EPHB6: variants seen among roughly 807,000 people sequenced by gnomAD.
EPHB6 encodes the protein ephrin type-B receptor 6.
EPHB6 carries 51 observed loss-of-function variants against 107.0 expected under a neutral mutation model. That is an observed-to-expected ratio of 0.48 (90% confidence interval 0.38 to 0.60). The LOEUF (loss-of-function observed/expected upper bound fraction) is 0.60. EPHB6 is among the 20% of genes least tolerant of loss of function. The pLI is 0.00. For missense variants in EPHB6, 1,141 were observed against 1,355.5 expected (o/e 0.84, Z 2.48); for synonymous variants, 553 against 549.0 (o/e 1.01, Z -0.10).
rs1803138462 is a variant in EPHB6 at position 142,865,953 on chromosome 7, C to G, written c.1106-7C>G. ...CCCTTGGACTGCCATATCCTCCGGCCCCCCAGGTCCTCCATCGGCTCCCCA... is the reference window on the plus strand; with the variant it reads ...CCCTTGGACTGCCATATCCTCCGGCGCCCCAGGTCCTCCATCGGCTCCCCA... On this transcript the variant is annotated splice_region_variant and splice_polypyrimidine_tract_variant and intron_variant, in intron 8 of 19. Transcript: ENST00000652003. 1 of 1,613,460 alleles carries G rather than the reference C, an allele frequency of 6.2e-7. No individual in the cohort carries two copies. The highest frequency in any genetic ancestry group is 1.3e-5 in the African/African-American group (1 of 74,918).
At chr7:142,856,817 C>T (rs551554130) in intron 1 of EPHB6, among the ~76,000 whole-genome samples, 7 of 152,290 alleles carry the variant, frequency 4.6e-5, no homozygotes, top group African/African-American at 1.7e-4. Flanking sequence ...ACTCCGGAAC[C>T]AGCACTGATG....
chr7:142,865,677 G>T lies in EPHB6; in HGVS notation c.1105+47G>T, dbSNP rs768358720. On this transcript the variant is annotated intron_variant, in intron 8 of 19. Coordinates refer to ENST00000652003, the MANE Select transcript of EPHB6 (RefSeq NM_004445.6). ...GCAATGGGAAAGAGACTTGGAGAGG[G>T]GCCAGAAGTGGGGGTAGCAGGCAAC... The T allele has an allele frequency of 2.5e-6, 4 of 1,603,544 alleles. No homozygotes were observed. The South Asian group carries it at 4.4e-5, about 18-fold the overall frequency.
chr7:142,869,001 C>T lies in EPHB6; in HGVS notation c.2314C>T (p.Gln772Ter), dbSNP rs2116476620. Residue 772 changes from glutamine to a stop codon, truncating the protein, a stop_gained, in exon 16 of 20, where the codon CAG (glutamine) becomes TAG (stop). Coordinates refer to ENST00000652003, the MANE Select transcript of EPHB6 (RefSeq NM_004445.6). LOFTEE classifies it high-confidence loss of function. The surrounding 1 kb of genome is among the most constrained non-coding windows in gnomAD (Gnocchi z 4.5). ...GCGGGAGGGCCAGTTCAGCAGCCTGCAGCTGGTGGCCATGCAGCGGGGAGT... is the reference window on the plus strand; with the variant it reads ...GCGGGAGGGCCAGTTCAGCAGCCTGTAGCTGGTGGCCATGCAGCGGGGAGT... ...RQREGQFSSL[Q>*]LVAMQRGVAA... The T allele has an allele frequency of 6.2e-7, 1 of 1,611,170 alleles. No homozygotes were observed. The highest frequency in any genetic ancestry group is 8.5e-7 in the Non-Finnish European group (1 of 1,179,932).
rs1302930007 is a variant in EPHB6, at chr7:142,868,077, GGC to G, written c.1918+29_1918+30del. 2 of 1,611,704 alleles carry G rather than the reference GGC, an allele frequency of 1.2e-6. No individual in the cohort carries two copies. Among genetic ancestry groups the G allele is most frequent in the Admixed American group, 3.4e-5 (2 of 59,634 alleles). On this transcript the variant is annotated intron_variant, in intron 13 of 19. Transcript: ENST00000652003. This position sits in a 1 kb window ranked among gnomAD's most constrained non-coding sequence, Gnocchi z 4.2. ...GGGGATGAGGAGAGGAAATGGGTGGGGCTGGGGAACACATGGGTGGGGCACAT... is the reference window on the plus strand; with the variant it reads ...GGGGATGAGGAGAGGAAATGGGTGGGTGGGGAACACATGGGTGGGGCACAT...
In EPHB6 at chr7:142,869,650, C is replaced by T; in HGVS notation, c.2461-167C>T. The T allele has an allele frequency of 7.6e-6, 6 of 792,240 alleles. No homozygotes were observed. The South Asian group carries it at 9.5e-5, about 13-fold the overall frequency. The allele number at this position is 792,240 out of a possible 1,614,324, so 49.1% of individuals were successfully genotyped here. On this transcript the variant is annotated intron_variant, in intron 16 of 19. Transcript: ENST00000652003. The surrounding 1 kb of genome is among the most constrained non-coding windows in gnomAD (Gnocchi z 4.5). ...TGCTCCATAAACGTGACTATTGCTT[C>T]TGCTTCTGTGAAATGGAGATGATAT... is the stretch of plus-strand genomic sequence containing the variant.
Position 142,870,752 on chromosome 7 carries a change from C to G in EPHB6, c.2961-44C>G, listed in dbSNP as rs778102855. The G allele has an allele frequency of 1.7e-5, 28 of 1,614,140 alleles. No homozygotes were observed. The South Asian group carries it at 3.1e-4, about 18-fold the overall frequency. On this transcript the variant is annotated intron_variant, in intron 19 of 19. Transcript: ENST00000652003. ...CCTGGCTGGGGGTCGTATTGGGGAT[C>G]TCGGAGAAGCTGGCCCAGATTTGAT... is the stretch of plus-strand genomic sequence containing the variant.
chr7:142,871,051 C>G lies in EPHB6; in HGVS notation c.*147C>G. The G allele has an allele frequency of 1.3e-6, 1 of 767,502 alleles. No homozygotes were observed. Among genetic ancestry groups the G allele is most frequent in the Non-Finnish European group, 2.2e-6 (1 of 450,070 alleles). 47.5% of individuals were successfully genotyped at this position (767,502 alleles called of 1,614,324 possible). A position where few individuals can be genotyped will look rare whatever the true frequency, so the allele number is the denominator to read the frequency against. On this transcript the variant is annotated 3_prime_UTR_variant, in exon 20 of 20. Transcript: ENST00000652003. ...CTGCATTCCCTGGTCCTCCGCCTCT[C>G]CACCAGCCCCCTCCTCATTAAAGGG...
In EPHB6 at chr7:142,869,878, C is replaced by T; in HGVS notation, c.2522C>T (p.Thr841Ile). The T allele has an allele frequency of 6.2e-7, 1 of 1,614,204 alleles. No homozygotes were observed. Among genetic ancestry groups the T allele is most frequent in the Non-Finnish European group, 8.5e-7 (1 of 1,180,040 alleles). The change falls in exon 17 of 20, where the codon ACA (threonine) becomes ATA (isoleucine). Residue 841 changes from threonine (T) to isoleucine (I), a missense_variant. Coordinates refer to ENST00000652003, the MANE Select transcript of EPHB6 (RefSeq NM_004445.6). This position sits in a 1 kb window ranked among gnomAD's most constrained non-coding sequence, Gnocchi z 4.5. ...PEVIAHGKHT[T>I]SSDVWSFGIL... ...GTCATTGCACATGGAAAGCATACAACATCCAGTGATGTCTGGAGCTTTGGG... is the reference window on the plus strand; with the variant it reads ...GTCATTGCACATGGAAAGCATACAATATCCAGTGATGTCTGGAGCTTTGGG...
rs1794811259 is a variant in EPHB6, at chr7:142,869,824, G to A, written c.2468G>A (p.Ser823Asn). Residue 823 changes from serine (S) to asparagine (N), a missense_variant, in exon 17 of 20, where the codon AGT (serine) becomes AAT (asparagine). This residue lies in a region of EPHB6 where 616 missense variants were observed against 759.3 expected (regional missense o/e 0.81). Transcript: ENST00000652003. This position sits in a 1 kb window ranked among gnomAD's most constrained non-coding sequence, Gnocchi z 4.5. ...TTTGACTTTACCCCTCAGGGCCCAA[G>A]TTGTTTGCTTCGCTGGGCAGCCCCA... Reference protein sequence around the residue: ...ARLGHSPQGPSCLLRWAAPEV... With the variant: ...ARLGHSPQGPNCLLRWAAPEV... 2 of 1,614,098 alleles carry A rather than the reference G, an allele frequency of 1.2e-6. No individual in the cohort carries two copies. The highest frequency in any genetic ancestry group is 1.7e-6 in the Non-Finnish European group (2 of 1,180,044).
intron 8 of EPHB6, 75 bp downstream of exon 8, chr7:142,865,705 T>C (rs1218683449): frequency 1.3e-6 from 2 of 1,568,008 alleles, no homozygotes; most frequent in Non-Finnish European, 1.7e-6. Context: ...CAGGCAACAC[T>C]GGGGGCTCTT....
chr7:142,864,541 G>A lies in EPHB6; in HGVS notation c.741G>A (p.Gln247=). The change falls in exon 7 of 20, where the codon CAG becomes CAA. Residue 247 remains glutamine (Q), a synonymous_variant. Transcript: ENST00000652003. ...LRSFASFPET[Q]ASGAGGASLV... ...CCTTTGCTTCCTTTCCAGAGACGCA[G>A]GCCAGTGGGGCTGGGGGGGCCTCCC... 1 of 1,613,398 alleles carries A rather than the reference G, an allele frequency of 6.2e-7. No homozygotes were observed. The highest frequency in any genetic ancestry group is 8.5e-7 in the Non-Finnish European group (1 of 1,179,948).
rs373983946 is a variant in EPHB6, at chr7:142,863,583, T to A, written c.101-48T>A. On this transcript the variant is annotated intron_variant, in intron 5 of 19. Transcript: ENST00000652003. The stretch of plus-strand genomic sequence containing the variant: ...GTGGGAATAGAGTAGGGGCTGGCAG[T>A]GCTGGCTGGAGGCTTGGCCACTGTG... 2.6e-5 allele frequency: 42 copies of A among 1,600,070 alleles called. 1 individual carries two copies. The highest frequency in any genetic ancestry group is 1.2e-4 in the Admixed American group (7 of 60,010).
In EPHB6 at chr7:142,869,345, A is replaced by G. The variant is rs1400545600; in HGVS notation, c.2460+198A>G. On this transcript the variant is annotated intron_variant, in intron 16 of 19. Transcript: ENST00000652003. This position sits in a 1 kb window ranked among gnomAD's most constrained non-coding sequence, Gnocchi z 4.5. ...TTTGAGGGATTTCAGGGACCGAGAC[A>G]AAGGGGATGAGGGAGGGGAGGAGAC... Among the ~76,000 whole-genome samples the G allele has an allele frequency of 6.6e-6, 1 of 152,138 alleles. No homozygotes were observed. The highest frequency in any genetic ancestry group is 1.5e-5 in the Non-Finnish European group (1 of 68,018).
At chr7:142,870,024 A>G in intron 17 of EPHB6, 58 bp downstream of exon 17, 1 of 1,612,508 alleles carries the variant, frequency 6.2e-7, no homozygotes, top group Non-Finnish European at 8.5e-7. Context: ...AGGTTGGAAC[A>G]TTCTAGGACC....
intron 4 of EPHB6, 64 bp from the exon 5 acceptor site, chr7:142,863,063 T>C: frequency 1.1e-5 from 7 of 626,954 alleles, no homozygotes; most frequent in Non-Finnish European, 2.0e-5. Context: ...TTTTGGAGCT[T>C]GGGCTGTATA....
chr7:142,862,188 A>C (rs1330604053), intron 3 of EPHB6, 55 bp downstream of exon 3: 2 of 152,126 alleles, frequency 1.3e-5, no homozygotes, highest in African/African-American at 4.8e-5. Flanking sequence ...ATGATTAGTG[A>C]GGGCTCCACC....
At position 142,860,771 on chromosome 7, in the gene EPHB6, G is replaced by A. The variant is rs1013423637; in HGVS notation, c.-431-281G>A. ...GTGCCCACTCTACATCAGCCCACGCGTATGTAGAAATGGTGTATTTCCATG... is the reference window on the plus strand; with the variant it reads ...GTGCCCACTCTACATCAGCCCACGCATATGTAGAAATGGTGTATTTCCATG... On this transcript the variant is annotated intron_variant, in intron 1 of 19. Transcript: ENST00000652003. Among the ~76,000 whole-genome samples, 12 of 152,260 alleles carry A rather than the reference G, an allele frequency of 7.9e-5. 1 individual carries two copies. The highest frequency in any genetic ancestry group is 1.6e-4 in the Non-Finnish European group (11 of 68,026).
At chr7:142,856,795 G>T (rs923263629) in intron 1 of EPHB6, among the ~76,000 whole-genome samples, 1 of 152,124 alleles carries the variant, frequency 6.6e-6, no homozygotes, top group African/African-American at 2.4e-5. Flanking sequence ...AGGAAGAAGG[G>T]CCCATGGAAC....
Position 142,867,908 on chromosome 7 carries a change from C to A in EPHB6, c.1866-89C>A. On this transcript the variant is annotated intron_variant, in intron 12 of 19. Transcript: ENST00000652003. This position sits in a 1 kb window ranked among gnomAD's most constrained non-coding sequence, Gnocchi z 5.3. ...CAGGCTGTCGTCCCCCCTCCACAGA[C>A]CGACTAAAGAGCAGTCTGGAGGGTG... 6.5e-7 allele frequency: 1 copy of A among 1,533,600 alleles called. No individual in the cohort carries two copies. Among genetic ancestry groups the A allele is most frequent in the Non-Finnish European group, 8.8e-7 (1 of 1,132,860 alleles). 95.0% of individuals were successfully genotyped at this position (1,533,600 alleles called of 1,614,324 possible).
Sources: allele counts gnomAD v4.1 joint callset (sites outside exome capture counted in the v4.1 genomes callset), GRCh38; gene constraint gnomAD v4.1.1; regional missense constraint gnomAD v4.1.1; non-coding constraint Gnocchi (gnomAD v3.1); transcripts MANE v1.5; gene names NCBI Gene and HGNC (gene_info 2026-07-23, HGNC 2026-07-21).